CAMTA1: variants seen among roughly 807,000 people sequenced by gnomAD.
The protein encoded by CAMTA1 is calmodulin-binding transcription activator 1.
Under a neutral mutation model 170.9 loss-of-function variants are expected in CAMTA1, and 27 were observed. That is an observed-to-expected ratio of 0.16 (90% CI 0.12 to 0.22). The LOEUF (loss-of-function observed/expected upper bound fraction) is 0.22. Ranked by LOEUF, CAMTA1 falls within the 10% of genes least tolerant of loss-of-function variation. CAMTA1 has a pLI of 1.00. For synonymous variants in CAMTA1, 833 were observed against 891.5 expected (o/e 0.93, Z 1.17); for missense variants, 1,619 against 2,217.2 (o/e 0.73, Z 5.42).
chr1:7,072,759 T>G (rs1171079254), intron 3 of CAMTA1, among the ~76,000 whole-genome samples: 1 of 152,220 alleles, frequency 6.6e-6, no homozygotes, highest in African/African-American at 2.4e-5. Context: ...AGTAGGATTC[T>G]GAGGGAAGAG....
chr1:7,657,441 T>C (rs2149102947), intron 7 of CAMTA1, among the ~76,000 whole-genome samples: 1 of 152,282 alleles, frequency 6.6e-6, no homozygotes. Context: ...GGACATTACC[T>C]TTCTGGGAAT....
chr1:7,629,128 A>T (rs547350853), intron 6 of CAMTA1, among the ~76,000 whole-genome samples: 37 of 152,354 alleles, frequency 2.4e-4, no homozygotes, highest in African/African-American at 8.9e-4. Flanking sequence ...AGAGCAGGAG[A>T]CAAACAGGAC....
Position 7,677,680 on chromosome 1 carries a change from C to T in CAMTA1, c.2861C>T (p.Ala954Val). ...ISNSVVFEYKARALPTLPSSQ... is the reference protein window; with the variant it reads ...ISNSVVFEYKVRALPTLPSSQ... ...AACTCGGTGGTGTTTGAGTACAAAG[C>T]CCGGGCTCTGCCCACGCTCCCTTCC... Residue 954 changes from alanine to valine, a missense_variant, in exon 11 of 23, where the codon GCC becomes GTC. Around this residue, in one of 8 missense-constraint regions of CAMTA1, gnomAD observed 143 missense variants for 184.2 expected, o/e 0.78. Coordinates refer to ENST00000303635, the MANE Select transcript of CAMTA1 (RefSeq NM_015215.4). 6.2e-7 allele frequency: 1 copy of T among 1,614,116 alleles called. No individual in the cohort carries two copies. The highest frequency in any genetic ancestry group is 1.3e-5 in the African/African-American group (1 of 75,042).
chr1:7,426,879 T>C lies in CAMTA1; in HGVS notation c.439-40951T>C, dbSNP rs990969677. ...TGTCCTCCTGGGAGTCAGGTTGAGA[T>C]GAAATTTGGTCCTTAAATCTGGCCT... On this transcript the variant is annotated intron_variant, in intron 5 of 22. Transcript: ENST00000303635. This position sits in a 1 kb window ranked among gnomAD's most constrained non-coding sequence, Gnocchi z 4.8. Among the ~76,000 whole-genome samples the C allele has an allele frequency of 6.6e-6, 1 of 152,210 alleles. No individual in the cohort carries two copies. The highest frequency in any genetic ancestry group is 2.4e-5 in the African/African-American group (1 of 41,452).
chr1:7,439,107 G>T (rs753211548), intron 5 of CAMTA1, among the ~76,000 whole-genome samples: 1 of 152,142 alleles, frequency 6.6e-6, no homozygotes, highest in Non-Finnish European at 1.5e-5. Flanking sequence ...CCAGAGCTGC[G>T]TCCTCCCAGG....
intron 3 of CAMTA1, among the ~76,000 whole-genome samples, chr1:6,884,849 C>G (rs1022184729): frequency 6.6e-6 from 1 of 152,186 alleles, no homozygotes; most frequent in Non-Finnish European, 1.5e-5. Flanking sequence ...CATGTAGAGA[C>G]TCTGGTTTAT....
intron 6 of CAMTA1, among the ~76,000 whole-genome samples, chr1:7,493,434 CACAA>C (rs558545375): frequency 6.6e-6 from 1 of 151,810 alleles, no homozygotes; most frequent in Non-Finnish European, 1.5e-5. Context: ...CACATGCACA[CACAA>C]ACATACAAAC....
At chr1:7,728,361 C>T (rs2096706889) in intron 11 of CAMTA1, among the ~76,000 whole-genome samples, 2 of 152,268 alleles carry the variant, frequency 1.3e-5, no homozygotes, top group Non-Finnish European at 2.9e-5. Flanking sequence ...CCTCCACGGG[C>T]AGCAGGCAGG....
chr1:7,052,086 T>TGGG (rs1706476908), intron 3 of CAMTA1, among the ~76,000 whole-genome samples: 1 of 71,896 alleles, frequency 1.4e-5, no homozygotes, highest in African/African-American at 5.1e-5. Flanking sequence ...GGCGGGGGGG[T>TGGG]GGGTATCCTT....
chr1:7,358,570 C>T (rs531921695), intron 5 of CAMTA1, among the ~76,000 whole-genome samples: 2 of 152,304 alleles, frequency 1.3e-5, no homozygotes, highest in East Asian at 1.9e-4. Flanking sequence ...CGGGCAGCCC[C>T]GGCTGCTCCT....
rs868259896 is a variant in CAMTA1, at chr1:7,550,937, G to A, written c.510+83036G>A. Among the ~76,000 whole-genome samples the A allele has an allele frequency of 1.1e-4, 17 of 151,834 alleles. 1 individual carries two copies. In the Middle Eastern group the frequency reaches 0.02, roughly 182 times the overall value. ...CCAGCTCTCTCTGCCCCCTCCCCACGAGGAATCTCCCTTGGCCTCCTTCAC... is the reference window on the plus strand; with the variant it reads ...CCAGCTCTCTCTGCCCCCTCCCCACAAGGAATCTCCCTTGGCCTCCTTCAC... On this transcript the variant is annotated intron_variant, in intron 6 of 22. Transcript: ENST00000303635.
At chr1:7,138,682 T>A (rs1645688955) in intron 4 of CAMTA1, among the ~76,000 whole-genome samples, 1 of 152,204 alleles carries the variant, frequency 6.6e-6, no homozygotes. Context: ...AGCTCACCTT[T>A]TTTTACTTAC....
intron 4 of CAMTA1, among the ~76,000 whole-genome samples, chr1:7,213,176 A>G (rs911099167): frequency 6.6e-6 from 1 of 152,240 alleles, no homozygotes; most frequent in African/African-American, 2.4e-5. Context: ...TAGCTTTTAA[A>G]GAATCTGCCA....
Position 7,064,027 on chromosome 1 carries a change from G to T in CAMTA1, c.235-27277G>T, listed in dbSNP as rs1708624087. Among the ~76,000 whole-genome samples, 1 of 152,174 alleles carries T rather than the reference G, an allele frequency of 6.6e-6. No individual in the cohort carries two copies. The highest frequency in any genetic ancestry group is 2.4e-5 in the African/African-American group (1 of 41,452). The stretch of plus-strand genomic sequence containing the variant: ...ATGATGGCTCTGGCCTGGCTGCCAG[G>T]TGGCTGCCTTCTCATATGGTGGGAG... On this transcript the variant is annotated intron_variant, in intron 3 of 22. Transcript: ENST00000303635. This position sits in a 1 kb window ranked among gnomAD's most constrained non-coding sequence, Gnocchi z 5.4.
At chr1:7,475,665 G>A (rs934114172) in intron 6 of CAMTA1, among the ~76,000 whole-genome samples, 8 of 152,196 alleles carry the variant, frequency 5.3e-5, no homozygotes, top group African/African-American at 1.7e-4. Flanking sequence ...AGCCCTGGCC[G>A]TGCGTGACGG....
Position 7,565,366 on chromosome 1 carries a change from C to T in CAMTA1, c.511-75034C>T, listed in dbSNP as rs989614350. On this transcript the variant is annotated intron_variant, in intron 6 of 22. Transcript: ENST00000303635. This position sits in a 1 kb window ranked among gnomAD's most constrained non-coding sequence, Gnocchi z 4.5. ...TGAGTCTCTGAGCAGGGGCAGAAGG[C>T]TGGTGAGGGCCCAGGGGAGCCTACT... Among the ~76,000 whole-genome samples, 1 of 152,122 alleles carries T rather than the reference C, an allele frequency of 6.6e-6. No individual in the cohort carries two copies. Among genetic ancestry groups the T allele is most frequent in the African/African-American group, 2.4e-5 (1 of 41,410 alleles).
intron 3 of CAMTA1, among the ~76,000 whole-genome samples, chr1:6,879,787 ATTTT>A (rs760715822): frequency 7.7e-6 from 1 of 130,002 alleles, no homozygotes. Context: ...GCTGCGCCTA[ATTTT>A]TTTTTTTTTT....
rs752441900 is a variant in CAMTA1, at chr1:7,665,223, C to T, written c.2652+24C>T. The T allele has an allele frequency of 2.0e-5, 29 of 1,434,780 alleles. No individual in the cohort carries two copies. The highest frequency in any genetic ancestry group is 2.6e-5 in the Non-Finnish European group (29 of 1,098,872). 88.9% of individuals were successfully genotyped at this position (1,434,780 alleles called of 1,614,324 possible). On this transcript the variant is annotated intron_variant, in intron 9 of 22. Coordinates refer to ENST00000303635, the MANE Select transcript of CAMTA1 (RefSeq NM_015215.4). The surrounding 1 kb of genome is among the most constrained non-coding windows in gnomAD (Gnocchi z 4.3). ...AGGTAAGCTGCCGCCGCTGCCACCA[C>T]CTGTCACCTCCCCTCCCACCCACCT... is the stretch of plus-strand genomic sequence containing the variant.
At chr1:7,390,502 C>T (rs539648787) in intron 5 of CAMTA1, among the ~76,000 whole-genome samples, 122 of 152,340 alleles carry the variant, frequency 8.0e-4, no homozygotes, top group African/African-American at 2.9e-3. Context: ...GGCCCTGCTG[C>T]TTACTACTCC....
Sources: gnomAD v4.1 joint callset for allele counts (sites outside exome capture counted in the v4.1 genomes callset) on GRCh38, gnomAD v4.1.1 for gene constraint, gnomAD v4.1.1 regional missense constraint, Gnocchi (gnomAD v3.1) non-coding constraint, MANE v1.5 for transcripts, NCBI Gene and HGNC (gene_info 2026-07-23, HGNC 2026-07-21) for gene names.